Variants in ZNF354C observed in about 807,000 individuals in gnomAD.
ZNF354C encodes the protein KRAB-zinc finger protein synten.
ZNF354C carries 7 observed loss-of-function variants against 12.4 expected under a neutral mutation model. The ratio of observed to expected loss-of-function variants is 0.56; its 90% CI spans 0.32 to 1.06. The LOEUF (loss-of-function observed/expected upper bound fraction) is 1.06. Ranked by LOEUF, ZNF354C falls within the 50% of genes least tolerant of loss-of-function variation. ZNF354C has a pLI of 0.04. For synonymous variants in ZNF354C, 202 were observed against 224.5 expected (o/e 0.90, Z 0.90); for missense variants, 609 against 658.0 (o/e 0.93, Z 0.81).
intron 2 of ZNF354C, among the ~76,000 whole-genome samples, chr5:179,068,411 G>A (rs76985493): frequency 6.6e-6 from 1 of 152,114 alleles, no homozygotes; most frequent in Admixed American, 6.5e-5. Flanking sequence ...AAAAGAACAC[G>A]GTGTGTGTAA....
intron 1 of ZNF354C, among the ~76,000 whole-genome samples, chr5:179,061,528 C>A (rs1316169644): frequency 6.6e-6 from 1 of 152,086 alleles, no homozygotes; most frequent in Non-Finnish European, 1.5e-5. Flanking sequence ...CTCACAGTTT[C>A]TTGGGGAGAA....
rs1455873655 is a variant in ZNF354C at position 179,079,576 on chromosome 5, C to CAACT, written c.1145_1148dup (p.Tyr384ThrfsTer36). ...ACATCAGAGGTTTCATACTGGAGAA[C>CAACT]AACTGTATACATGCTTGGAATGTGG... On this transcript the variant is annotated frameshift_variant, in exon 5 of 5. Coordinates refer to ENST00000315475, the MANE Select transcript of ZNF354C (RefSeq NM_014594.3). LOFTEE classifies it low-confidence loss of function (END_TRUNC). The surrounding 1 kb of genome is among the most constrained non-coding windows in gnomAD (Gnocchi z 4.2). 1 of 1,614,112 alleles carries CAACT rather than the reference C, an allele frequency of 6.2e-7. No homozygotes were observed. Among genetic ancestry groups the CAACT allele is most frequent in the Admixed American group, 1.7e-5 (1 of 60,026 alleles).
rs1762173073 is a variant in ZNF354C, at chr5:179,078,946, A to G, written c.514A>G (p.Asn172Asp). ...SLELGKSLFTNTALVTQQSVP... is the reference protein window; with the variant it reads ...SLELGKSLFTDTALVTQQSVP... ...TGAATTGGGGAAAAGCTTATTTACA[A>G]ATACAGCTCTTGTCACACAACAGAG... is the stretch of plus-strand genomic sequence containing the variant. Residue 172 changes from asparagine (N) to aspartate (D), a missense_variant, in exon 5 of 5, where the codon AAT becomes GAT. By Grantham distance (23) the Asn-to-Asp change is conservative. Coordinates refer to ENST00000315475, the MANE Select transcript of ZNF354C (RefSeq NM_014594.3). 1 of 1,613,962 alleles carries G rather than the reference A, an allele frequency of 6.2e-7. No individual in the cohort carries two copies. Among genetic ancestry groups the G allele is most frequent in the Admixed American group, 1.7e-5 (1 of 60,006 alleles).
intron 2 of ZNF354C, among the ~76,000 whole-genome samples, chr5:179,070,949 C>T (rs959998589): frequency 4.3e-4 from 63 of 145,910 alleles, no homozygotes; most frequent in African/African-American, 1.4e-3. Flanking sequence ...CTCAGGTTCA[C>T]GCCATTCTCC....
At chr5:179,063,605 G>T (rs185685272) in intron 2 of ZNF354C, among the ~76,000 whole-genome samples, 5 of 152,308 alleles carry the variant, frequency 3.3e-5, no homozygotes, top group Non-Finnish European at 7.3e-5. Context: ...TTTGCTGTGA[G>T]CCAGGTTCTA....
chr5:179,078,241 G>T (rs1448906986), intron 4 of ZNF354C, among the ~76,000 whole-genome samples: 5 of 152,202 alleles, frequency 3.3e-5, no homozygotes, highest in Non-Finnish European at 7.3e-5. Context: ...AGCATGGGGA[G>T]AAAACGTAAT....
At chr5:179,061,431 C>A (rs1428699099) in intron 1 of ZNF354C, among the ~76,000 whole-genome samples, 1 of 152,092 alleles carries the variant, frequency 6.6e-6, no homozygotes, top group African/African-American at 2.4e-5. Context: ...GGGGACAGTG[C>A]CTTAATCCTG....
chr5:179,078,552 T>G (rs1344368552), intron 4 of ZNF354C, 131 bp from the exon 5 acceptor site: 2 of 715,300 alleles, frequency 2.8e-6, no homozygotes, highest in Non-Finnish European at 4.5e-6. Flanking sequence ...TTCCCAAGAT[T>G]CAAGTCAGCA....
At chr5:179,072,805 A>G (rs1423431838) in intron 2 of ZNF354C, among the ~76,000 whole-genome samples, 1 of 152,232 alleles carries the variant, frequency 6.6e-6, no homozygotes, top group East Asian at 1.9e-4. Flanking sequence ...ATCAATATAA[A>G]ATTATTGAGA....
intron 4 of ZNF354C, among the ~76,000 whole-genome samples, chr5:179,077,506 T>C (rs1463207340): frequency 3.3e-5 from 5 of 152,216 alleles, no homozygotes; most frequent in Non-Finnish European, 7.3e-5. Flanking sequence ...TCAAATCTCC[T>C]GCAGATTTTC....
At chr5:179,065,979 C>T (rs183491442) in intron 2 of ZNF354C, among the ~76,000 whole-genome samples, 6 of 152,282 alleles carry the variant, frequency 3.9e-5, no homozygotes, top group African/African-American at 1.4e-4. Context: ...CTTCGAAAGA[C>T]GACACTGTGT....
chr5:179,063,873 A>G (rs1561747156), intron 2 of ZNF354C, among the ~76,000 whole-genome samples: 1 of 152,236 alleles, frequency 6.6e-6, no homozygotes, highest in Non-Finnish European at 1.5e-5. Context: ...TCCAGCTGTT[A>G]CTATGATCAG....
intron 2 of ZNF354C, among the ~76,000 whole-genome samples, chr5:179,071,628 G>A (rs2113116536): frequency 6.6e-6 from 1 of 152,250 alleles, no homozygotes; most frequent in South Asian, 2.1e-4. Context: ...CCTGGGAGTA[G>A]GCCACAGTCA....
intron 2 of ZNF354C, among the ~76,000 whole-genome samples, chr5:179,069,985 G>A (rs926408495): frequency 1.3e-5 from 2 of 152,174 alleles, no homozygotes; most frequent in African/African-American, 4.8e-5. Context: ...CTAGAGCTAC[G>A]AGGAAACAGG....
chr5:179,077,017 T>G, intron 3 of ZNF354C, 54 bp from the exon 4 acceptor site: 7 of 1,498,086 alleles, frequency 4.7e-6, no homozygotes, highest in Non-Finnish European at 6.5e-6. Context: ...AGGTCAGTTC[T>G]AGGATTGGTC....
chr5:179,066,948 CTCTT>C (rs1445930248), intron 2 of ZNF354C, among the ~76,000 whole-genome samples: 2 of 152,292 alleles, frequency 1.3e-5, no homozygotes, highest in African/African-American at 2.4e-5. Flanking sequence ...GCTCTGTTCT[CTCTT>C]TCTTCTCCTT....
At chr5:179,072,757 C>A (rs894182356) in intron 2 of ZNF354C, among the ~76,000 whole-genome samples, 2 of 152,066 alleles carry the variant, frequency 1.3e-5, no homozygotes, top group African/African-American at 4.8e-5. Flanking sequence ...AATATATTTT[C>A]TTTGACCCAG....
At position 179,081,232 on chromosome 5, in the gene ZNF354C, C is replaced by A. The variant is rs990593347; in HGVS notation, c.*1135C>A. The A allele has an allele frequency of 6.6e-6, 1 of 152,064 alleles. No individual in the cohort carries two copies. Among genetic ancestry groups the A allele is most frequent in the Non-Finnish European group, 1.5e-5 (1 of 68,022 alleles). The allele number at this position is 152,064 out of a possible 1,614,324, so 9.4% of individuals were successfully genotyped here. On this transcript the variant is annotated 3_prime_UTR_variant, in exon 5 of 5. Transcript: ENST00000315475. The stretch of plus-strand genomic sequence containing the variant: ...TTTTTCTTATGAGTCCCTAATTATG[C>A]CTGCTTTTGTTATAATTGTACTTAA...
In ZNF354C at chr5:179,080,881, T is replaced by TATC. The variant is rs1247259319; in HGVS notation, c.*785_*787dup. On this transcript the variant is annotated 3_prime_UTR_variant, in exon 5 of 5. Coordinates refer to ENST00000315475, the MANE Select transcript of ZNF354C (RefSeq NM_014594.3). ...AAAGACTGTCAAGCACATACTTTGT[T>TATC]ATCTGTTGCAGAAGGGATGTATTTG... 1.3e-5 allele frequency: 2 copies of TATC among 152,216 alleles called. No homozygotes were observed. Among genetic ancestry groups the TATC allele is most frequent in the Admixed American group, 1.3e-4 (2 of 15,274 alleles). 9.4% of individuals were successfully genotyped at this position (152,216 alleles called of 1,614,324 possible).
Sources: allele counts gnomAD v4.1 joint callset (sites outside exome capture counted in the v4.1 genomes callset), GRCh38; gene constraint gnomAD v4.1.1; non-coding constraint Gnocchi (gnomAD v3.1); transcripts MANE v1.5; gene names NCBI Gene and HGNC (gene_info 2026-07-23, HGNC 2026-07-21).